TMIGD3: variants seen among roughly 807,000 people sequenced by gnomAD.
TMIGD3 encodes the protein AD026 protein (AD026).
In TMIGD3, 21 loss-of-function variants were observed where a neutral mutation model predicts 28.1. The observed-to-expected ratio is 0.75, with a 90% CI of 0.53 to 1.08. The LOEUF (loss-of-function observed/expected upper bound fraction) is 1.08, where lower values mean the gene tolerates loss of function less well. Ranked by LOEUF, TMIGD3 falls within the 50% of genes least tolerant of loss-of-function variation. TMIGD3 has a pLI of 0.00. For synonymous variants in TMIGD3, 151 were observed against 162.1 expected (o/e 0.93, Z 0.52); for missense variants, 416 against 435.6 (o/e 0.96, Z 0.40).
chr1:111,487,890 A>G (rs1654460422), intron 3 of TMIGD3, among the ~76,000 whole-genome samples: 1 of 149,530 alleles, frequency 6.7e-6, no homozygotes, highest in Non-Finnish European at 1.5e-5. Flanking sequence ...TGCAGCCTCA[A>G]CCTCCCTGGA....
chr1:111,535,778 T>C (rs1202171543), intron 1 of TMIGD3, among the ~76,000 whole-genome samples: 1 of 152,216 alleles, frequency 6.6e-6, no homozygotes, highest in African/African-American at 2.4e-5. Flanking sequence ...GAGTGTGTCC[T>C]GTGTGATGTC....
intron 1 of TMIGD3, among the ~76,000 whole-genome samples, chr1:111,561,561 T>C (rs918650599): frequency 3.9e-5 from 6 of 152,136 alleles, no homozygotes; most frequent in African/African-American, 1.2e-4. Flanking sequence ...ACAGAGGTCA[T>C]AGTCTCCACA....
intron 1 of TMIGD3, among the ~76,000 whole-genome samples, chr1:111,496,870 G>A (rs1329343139): frequency 1.3e-5 from 2 of 152,112 alleles, no homozygotes; most frequent in African/African-American, 4.8e-5. Context: ...CATTAGATGG[G>A]TCTCTACTTT....
At chr1:111,484,467 A>G (rs761715514) in intron 5 of TMIGD3, among the ~76,000 whole-genome samples, 7 of 152,214 alleles carry the variant, frequency 4.6e-5, no homozygotes, top group Non-Finnish European at 1.0e-4. Flanking sequence ...CTAGACTACA[A>G]TTGTGTCCAG....
chr1:111,489,790 G>A, intron 2 of TMIGD3: 1 of 994,118 alleles, frequency 1.0e-6, no homozygotes, highest in Non-Finnish European at 1.2e-6. Flanking sequence ...CTGTCTTTAG[G>A]GGATAAGAAC....
upstream of TMIGD3, among the ~76,000 whole-genome samples, chr1:111,507,789 T>C (rs1418076093): frequency 1.3e-5 from 2 of 152,236 alleles, no homozygotes; most frequent in East Asian, 3.8e-4. Context: ...CTTACATTTT[T>C]ATAGAGCTTC....
intron 1 of TMIGD3, among the ~76,000 whole-genome samples, chr1:111,510,367 C>G (rs148075699): frequency 6.6e-6 from 1 of 152,116 alleles, no homozygotes; most frequent in African/African-American, 2.4e-5. Flanking sequence ...AAGTATGTCT[C>G]GGTGTTTCAT....
At chr1:111,549,191 T>C (rs1036553261) in intron 1 of TMIGD3, among the ~76,000 whole-genome samples, 5 of 152,184 alleles carry the variant, frequency 3.3e-5, no homozygotes, top group Admixed American at 6.5e-5. Context: ...ATTGGTCTTA[T>C]AGAAGGTGTT....
chr1:111,503,327 A>G lies in TMIGD3; in HGVS notation c.28T>C (p.Leu10=), dbSNP rs143720296. Residue 10 remains leucine, a synonymous_variant, in exon 1 of 6, where the codon TTG becomes CTG. Transcript: ENST00000369716. The part of the protein sequence containing the change: MPNNSTALS[L]ANVTYITMEI... Reference sequence around the variant, plus strand: ...ATGGTGATGTAGGTAACATTGGCCAATGACAGAGCAGTGCTGTTGTTGGGC... The same window carrying G: ...ATGGTGATGTAGGTAACATTGGCCAGTGACAGAGCAGTGCTGTTGTTGGGC... 5.6e-6 allele frequency: 9 copies of G among 1,613,570 alleles called. No homozygotes were observed. In the Admixed American group the frequency reaches 8.3e-5, roughly 15 times the overall value.
At chr1:111,527,309 A>G (rs1656302318) in intron 1 of TMIGD3, among the ~76,000 whole-genome samples, 1 of 151,776 alleles carries the variant, frequency 6.6e-6, no homozygotes, top group South Asian at 2.1e-4. Context: ...ACCGCGCCTG[A>G]CCCTCCATGT....
intron 2 of TMIGD3, chr1:111,489,582 C>A: frequency 9.1e-7 from 1 of 1,094,840 alleles, no homozygotes; most frequent in Non-Finnish European, 1.1e-6. Context: ...CTGGAGAAGT[C>A]CTTTTCCCTG....
intron 1 of TMIGD3, among the ~76,000 whole-genome samples, chr1:111,555,087 G>A (rs538343223): frequency 8.6e-5 from 13 of 151,958 alleles, no homozygotes; most frequent in Admixed American, 2.0e-4. Context: ...TCAGGCAGGC[G>A]GGGCACAGTG....
At chr1:111,521,920 G>C (rs1656075126) in intron 1 of TMIGD3, among the ~76,000 whole-genome samples, 1 of 152,138 alleles carries the variant, frequency 6.6e-6, no homozygotes, top group Admixed American at 6.5e-5. Flanking sequence ...TACATTTCAA[G>C]TTAATTTTTG....
intron 1 of TMIGD3, among the ~76,000 whole-genome samples, chr1:111,533,117 G>A (rs1389108471): frequency 6.6e-6 from 1 of 152,188 alleles, no homozygotes; most frequent in Non-Finnish European, 1.5e-5. Flanking sequence ...GGGGCCCTCT[G>A]ACTGTCCCCC....
At chr1:111,505,977 T>C (rs1446789480), upstream of TMIGD3, among the ~76,000 whole-genome samples, 1 of 152,162 alleles carries the variant, frequency 6.6e-6, no homozygotes, top group African/African-American at 2.4e-5. Context: ...CTCAGAGTCA[T>C]TCTCTTTCAC....
intron 1 of TMIGD3, among the ~76,000 whole-genome samples, chr1:111,518,966 TCTCA>T (rs1315669872): frequency 6.6e-6 from 1 of 152,126 alleles, no homozygotes; most frequent in Non-Finnish European, 1.5e-5. Context: ...TGAGACGGAA[TCTCA>T]CTCTGTTGCC....
chr1:111,559,176 T>G (rs1352468385), intron 1 of TMIGD3, among the ~76,000 whole-genome samples: 1 of 152,170 alleles, frequency 6.6e-6, no homozygotes, highest in Non-Finnish European at 1.5e-5. Flanking sequence ...GGGATACAAC[T>G]AAACTAGTAT....
At chr1:111,524,536 G>A (rs1656197745) in intron 1 of TMIGD3, among the ~76,000 whole-genome samples, 2 of 152,156 alleles carry the variant, frequency 1.3e-5, no homozygotes, top group South Asian at 4.2e-4. Flanking sequence ...TCTAAGCACT[G>A]CTTTAGCTGT....
intron 1 of TMIGD3, among the ~76,000 whole-genome samples, chr1:111,523,395 A>G (rs1330994496): frequency 6.6e-6 from 1 of 152,054 alleles, no homozygotes; most frequent in Non-Finnish European, 1.5e-5. Flanking sequence ...TAAAGATTTT[A>G]TGGTTCTTTT....
Sources: allele counts gnomAD v4.1 joint callset (sites outside exome capture counted in the v4.1 genomes callset), GRCh38; gene constraint gnomAD v4.1.1; transcripts MANE v1.5; gene names NCBI Gene and HGNC (gene_info 2026-07-23, HGNC 2026-07-21).